NXPE4: variants seen among roughly 807,000 people sequenced by gnomAD.
The protein encoded by NXPE4 is neurexophilin and PC-esterase domain family member 4.
A neutral mutation model predicts 33.3 loss-of-function variants in NXPE4; 42 were observed. That is an observed-to-expected ratio of 1.26 (90% CI 0.98 to 1.63). The LOEUF (loss-of-function observed/expected upper bound fraction) is 1.63. Among genes scored for constraint, NXPE4 ranks in the 40% most tolerant of loss-of-function variants. The probability of loss-of-function intolerance (pLI) is 0.00; values close to 1 mark genes in which losing one functional copy is unlikely to be tolerated. For synonymous variants in NXPE4, 253 were observed against 234.9 expected, an observed-to-expected ratio of 1.08 and a Z score of -0.71; for missense variants, 709 against 647.6, an observed-to-expected ratio of 1.09 and a Z score of -1.03.
the NXPE4 span, among the ~76,000 whole-genome samples, chr11:114,643,294 C>T: frequency 6.6e-6 from 1 of 152,062 alleles, no homozygotes; most frequent in Non-Finnish European, 1.5e-5. Flanking sequence ...ACTTTTGTTG[C>T]CACTGCTTTT....
chr11:114,614,240 C>G, the NXPE4 span, among the ~76,000 whole-genome samples: 5 of 151,892 alleles, frequency 3.3e-5, no homozygotes, highest in African/African-American at 1.2e-4. Flanking sequence ...TGGGTAACCA[C>G]TGTTACCCTG....
At chr11:114,601,883 AT>A in the NXPE4 span, among the ~76,000 whole-genome samples, 48,571 of 59,490 alleles carry the variant, frequency 0.82, 18,865 homozygotes, top group African/African-American at 0.91. Flanking sequence ...ATTATATATA[AT>A]TATATATTAT....
the NXPE4 span, among the ~76,000 whole-genome samples, chr11:114,637,849 G>A: frequency 6.6e-6 from 1 of 152,116 alleles, no homozygotes; most frequent in African/African-American, 2.4e-5. Flanking sequence ...AGTCTGATGG[G>A]CTTCCCTTTG....
the NXPE4 span, among the ~76,000 whole-genome samples, chr11:114,668,232 C>T: frequency 2.0e-5 from 3 of 151,918 alleles, no homozygotes; most frequent in African/African-American, 4.8e-5. Flanking sequence ...CTATTAGGAT[C>T]TATGTTAATT....
the NXPE4 span, among the ~76,000 whole-genome samples, chr11:114,651,426 G>T: frequency 6.6e-6 from 1 of 152,208 alleles, no homozygotes; most frequent in Non-Finnish European, 1.5e-5. Flanking sequence ...AACGTTTGCG[G>T]TGAGTGTTAC....
Position 114,580,286 on chromosome 11 carries a change from G to T in NXPE4, c.945C>A (p.Ile315=). The T allele has an allele frequency of 6.2e-7, 1 of 1,614,072 alleles. No homozygotes were observed. Among genetic ancestry groups the T allele is most frequent in the Non-Finnish European group, 8.5e-7 (1 of 1,179,940 alleles). ...TGTTTCTCCAGACATGCCCACTGGG[G>T]ATTGTGGATGTCATTCCAAACTTGC... is the stretch of plus-strand genomic sequence containing the variant. ...EKCKFGMTST[I]PSGHVWRNTW... is the part of the protein sequence containing the mutation. The change falls in exon 5 of 6, where the codon ATC becomes ATA. Residue 315 remains isoleucine, a synonymous_variant. Coordinates refer to ENST00000375478, the MANE Select transcript of NXPE4 (RefSeq NM_001077639.2).
At chr11:114,615,715 A>G in the NXPE4 span, among the ~76,000 whole-genome samples, 1 of 151,594 alleles carries the variant, frequency 6.6e-6, no homozygotes. Context: ...CCATTGGATA[A>G]TAAGTATTGC....
At chr11:114,573,428 G>C (rs1446036278) in intron 5 of NXPE4, among the ~76,000 whole-genome samples, 1 of 151,786 alleles carries the variant, frequency 6.6e-6, no homozygotes, top group Non-Finnish European at 1.5e-5. Context: ...GAATGGGTAA[G>C]AATTCACCAG....
At chr11:114,640,194 T>C in the NXPE4 span, among the ~76,000 whole-genome samples, 1,320 of 134,142 alleles carry the variant, frequency 9.8e-3, 30 homozygotes, top group Middle Eastern at 0.019. Context: ...ATATATAATT[T>C]ATATATATTA....
intron 5 of NXPE4, 55 bp downstream of exon 5, chr11:114,580,077 A>G (rs774951146): frequency 7.0e-7 from 1 of 1,422,688 alleles, no homozygotes; most frequent in Non-Finnish European, 9.9e-7. Context: ...TCCCCTTTGA[A>G]ATGGAAAAGA....
the NXPE4 span, among the ~76,000 whole-genome samples, chr11:114,642,325 C>T: frequency 6.6e-6 from 1 of 152,020 alleles, no homozygotes; most frequent in African/African-American, 2.4e-5. Context: ...TAGTTCTCCA[C>T]ATGTGCAGAA....
chr11:114,617,814 G>T, the NXPE4 span, among the ~76,000 whole-genome samples: 1 of 151,946 alleles, frequency 6.6e-6, no homozygotes, highest in East Asian at 1.9e-4. Context: ...TGGATAATAA[G>T]TGTTGCCTCA....
rs1476765409 is a variant in NXPE4, at chr11:114,582,541, T to C, written c.577A>G (p.Ser193Gly). 1 of 1,614,104 alleles carries C rather than the reference T, an allele frequency of 6.2e-7. No homozygotes were observed. Residue 193 changes from serine (S) to glycine (G), a missense_variant, in exon 3 of 6, where the codon AGT becomes GGT. Ser to Gly is a moderately conservative substitution (Grantham distance 56). Coordinates refer to ENST00000375478, the MANE Select transcript of NXPE4 (RefSeq NM_001077639.2). ...HPSEGVSALW[S>G]ARNQGYDRVI... ...CTGTCATAGCCTTGGTTCCTTGCAC[T>C]CCAGAGAGCTGACACCCCTTCACTG...
chr11:114,645,488 C>A, the NXPE4 span, among the ~76,000 whole-genome samples: 1 of 151,878 alleles, frequency 6.6e-6, no homozygotes, highest in East Asian at 1.9e-4. Flanking sequence ...CAAACAAAAA[C>A]CAAAAACAAA....
the NXPE4 span, among the ~76,000 whole-genome samples, chr11:114,609,378 GATA>G: frequency 3.3e-4 from 50 of 151,978 alleles, no homozygotes; most frequent in East Asian, 4.5e-3. Context: ...TTACCCGGTG[GATA>G]ATAAGTATTG....
intron 5 of NXPE4, among the ~76,000 whole-genome samples, chr11:114,571,824 C>A (rs1188937798): frequency 3.3e-5 from 5 of 152,178 alleles, no homozygotes; most frequent in Non-Finnish European, 7.4e-5. Context: ...AACAGGATCA[C>A]CACTGCAGGC....
At chr11:114,647,590 T>C in the NXPE4 span, among the ~76,000 whole-genome samples, 1 of 152,234 alleles carries the variant, frequency 6.6e-6, no homozygotes, top group Non-Finnish European at 1.5e-5. Context: ...ATTTGCTGTT[T>C]AATAAATTTC....
chr11:114,613,234 C>T, the NXPE4 span, among the ~76,000 whole-genome samples: 1 of 151,662 alleles, frequency 6.6e-6, no homozygotes, highest in African/African-American at 2.4e-5. Context: ...TCGAGGGTAA[C>T]CACTGTTACC....
intron 2 of NXPE4, among the ~76,000 whole-genome samples, chr11:114,589,327 T>C (rs1049931883): frequency 7.9e-5 from 12 of 151,960 alleles, no homozygotes; most frequent in Non-Finnish European, 1.6e-4. Flanking sequence ...CCCAGGTAAT[T>C]CTGGAAACTG....
Sources: gnomAD v4.1 joint callset for allele counts (sites outside exome capture counted in the v4.1 genomes callset) on GRCh38, gnomAD v4.1.1 for gene constraint, MANE v1.5 for transcripts, NCBI Gene and HGNC (gene_info 2026-07-23, HGNC 2026-07-21) for gene names.